Variants in SYT1 observed in about 807,000 individuals in gnomAD.
The protein encoded by SYT1 is synaptotagmin-1.
A neutral mutation model predicts 44.8 loss-of-function variants in SYT1; 8 were observed. The ratio of observed to expected loss-of-function variants is 0.18; its 90% CI spans 0.10 to 0.32. The LOEUF (loss-of-function observed/expected upper bound fraction) is 0.32. SYT1 is among the 10% of genes least tolerant of loss of function. The pLI, the probability that SYT1 is intolerant of heterozygous loss-of-function variation, is 1.00. For synonymous variants in SYT1, 154 were observed against 188.8 expected (o/e 0.82, Z 1.51); for missense variants, 286 against 509.3 (o/e 0.56, Z 4.22).
intron 2 of SYT1, among the ~76,000 whole-genome samples, chr12:79,012,979 C>T (rs1394779264): frequency 6.6e-6 from 1 of 152,046 alleles, no homozygotes; most frequent in Non-Finnish European, 1.5e-5. Flanking sequence ...GCCCCTCCTC[C>T]CATGCAGTCC....
chr12:79,075,661 G>T (rs1276062821), intron 3 of SYT1, among the ~76,000 whole-genome samples: 1 of 152,034 alleles, frequency 6.6e-6, no homozygotes, highest in Non-Finnish European at 1.5e-5. Context: ...TGATCTTGAA[G>T]GTCACCTACA....
intron 3 of SYT1, among the ~76,000 whole-genome samples, chr12:79,143,398 A>G (rs1869685246): frequency 6.6e-6 from 1 of 152,178 alleles, no homozygotes; most frequent in Admixed American, 6.5e-5. Flanking sequence ...ATCCTCAACC[A>G]TTTTGTTACA....
At chr12:79,064,926 G>GAGAGAGAA (rs1555194727) in intron 3 of SYT1, among the ~76,000 whole-genome samples, 58 of 111,526 alleles carry the variant, frequency 5.2e-4, no homozygotes, top group African/African-American at 1.9e-3. Context: ...AAAAAATAGA[G>GAGAGAGAA]AGAAAGAAAG....
Position 79,167,422 on chromosome 12 carries a change from G to C in SYT1, c.-17-50081G>C, listed in dbSNP as rs373463454. ...TTTCTGGGAGAATGTGTGTGTTTGT[G>C]TGTGCTTGTGTGTAGTGGAAATGGA... On this transcript the variant is annotated intron_variant, in intron 3 of 10. Coordinates refer to ENST00000261205, the MANE Select transcript of SYT1 (RefSeq NM_005639.3). Among the ~76,000 whole-genome samples, 9 of 152,120 alleles carry C rather than the reference G, an allele frequency of 5.9e-5. 1 individual carries two copies. Among genetic ancestry groups the C allele is most frequent in the East Asian group, 3.9e-4 (2 of 5,140 alleles).
chr12:79,254,304 A>G (rs1250205880), intron 4 of SYT1, among the ~76,000 whole-genome samples: 1 of 152,180 alleles, frequency 6.6e-6, no homozygotes, highest in Non-Finnish European at 1.5e-5. Flanking sequence ...TACTCTTCCT[A>G]TGTTCTATAA....
intron 8 of SYT1, among the ~76,000 whole-genome samples, chr12:79,303,289 A>G (rs920259153): frequency 2.0e-5 from 3 of 151,968 alleles, no homozygotes; most frequent in Non-Finnish European, 4.4e-5. Context: ...AACTCTTTTT[A>G]TTTTAACATT....
intron 7 of SYT1, among the ~76,000 whole-genome samples, chr12:79,298,078 T>C (rs1382691184): frequency 6.6e-6 from 1 of 152,146 alleles, no homozygotes; most frequent in Non-Finnish European, 1.5e-5. Context: ...GGCCCTTTAG[T>C]TGGAAAGTCC....
rs150336725 is a variant in SYT1, at chr12:78,992,553, A to G, written c.-84+14622A>G. Among the ~76,000 whole-genome samples the G allele has an allele frequency of 3.9e-5, 6 of 152,354 alleles. No homozygotes were observed. The East Asian group carries it at 1.2e-3, about 29-fold the overall frequency. Reference sequence around the variant, plus strand: ...AACTTTGTATATTTGTACTGTGTATATGAAATTGTGCTGTAAAATGTATTT... The same window carrying G: ...AACTTTGTATATTTGTACTGTGTATGTGAAATTGTGCTGTAAAATGTATTT... On this transcript the variant is annotated intron_variant, in intron 2 of 10. Transcript: ENST00000261205.
At chr12:79,182,094 C>T (rs1489247220) in intron 3 of SYT1, among the ~76,000 whole-genome samples, 1 of 152,040 alleles carries the variant, frequency 6.6e-6, no homozygotes, top group Non-Finnish European at 1.5e-5. Flanking sequence ...TGTCTTTGTC[C>T]TTTCAACTGC....
intron 8 of SYT1, 39 bp from the exon 9 acceptor site, chr12:79,353,462 AT>A: frequency 1.4e-6 from 2 of 1,395,924 alleles, no homozygotes; most frequent in Non-Finnish European, 2.0e-6. Flanking sequence ...ATTTACTTGT[AT>A]TTGAAAAATT....
At chr12:79,395,745 T>C (rs778249159) in intron 9 of SYT1, among the ~76,000 whole-genome samples, 2 of 151,296 alleles carry the variant, frequency 1.3e-5, no homozygotes, top group Non-Finnish European at 2.9e-5. Context: ...TCCTAGTCTA[T>C]GTGTAGTAAG....
At chr12:78,965,225 A>G (rs543636331) in intron 1 of SYT1, among the ~76,000 whole-genome samples, 1 of 152,294 alleles carries the variant, frequency 6.6e-6, no homozygotes, top group East Asian at 1.9e-4. Flanking sequence ...CTTAAATAAT[A>G]CGAATTAAAT....
In SYT1 at chr12:78,947,132, T is replaced by G. The variant is rs369617427; in HGVS notation, c.-216-30667T>G. Among the ~76,000 whole-genome samples, 16 of 152,330 alleles carry G rather than the reference T, an allele frequency of 1.1e-4. 1 individual carries two copies. The highest frequency in any genetic ancestry group is 5.8e-4 in the East Asian group (3 of 5,180). ...AGGTTGTTTGGATTTTTAAAAGCTA[T>G]TCCCAAAAGATTTGCAACTACTTTC... On this transcript the variant is annotated intron_variant, in intron 1 of 10. Coordinates refer to ENST00000261205, the MANE Select transcript of SYT1 (RefSeq NM_005639.3).
At chr12:78,882,831 T>A (rs1592521855) in intron 1 of SYT1, among the ~76,000 whole-genome samples, 2 of 151,752 alleles carry the variant, frequency 1.3e-5, no homozygotes, top group East Asian at 3.9e-4. Flanking sequence ...TTTTATCCAA[T>A]TGTTTTGATA....
At chr12:79,086,648 G>A (rs1877402244) in intron 3 of SYT1, among the ~76,000 whole-genome samples, 1 of 152,168 alleles carries the variant, frequency 6.6e-6, no homozygotes. Flanking sequence ...TGAACTATTT[G>A]TGTGTTGGCT....
intron 1 of SYT1, among the ~76,000 whole-genome samples, chr12:78,966,665 C>A (rs1420768201): frequency 6.6e-6 from 1 of 152,114 alleles, no homozygotes; most frequent in African/African-American, 2.4e-5. Flanking sequence ...GTGCCTCAGC[C>A]TGAACCCAGG....
rs867820329 is a variant in SYT1, at chr12:79,026,699, A to C, written c.-83-20598A>C. On this transcript the variant is annotated intron_variant, in intron 2 of 10. Transcript: ENST00000261205. ...TATATATATATATATATATATATAT[A>C]TATCACACTTTCATTGTCCATTCAC... is the stretch of plus-strand genomic sequence containing the variant. Among the ~76,000 whole-genome samples, 195 of 130,636 alleles carry C rather than the reference A, an allele frequency of 1.5e-3. 2 individuals carry two copies. The highest frequency in any genetic ancestry group is 5.1e-3 in the African/African-American group (180 of 35,280). 85.7% of individuals were successfully genotyped at this position (130,636 alleles called of 152,430 possible).
At chr12:79,283,344 G>C (rs924614737) in intron 4 of SYT1, among the ~76,000 whole-genome samples, 9 of 152,094 alleles carry the variant, frequency 5.9e-5, no homozygotes, top group African/African-American at 2.2e-4. Flanking sequence ...TTTTTCAGTG[G>C]TTATAAATTA....
At chr12:79,101,181 A>G (rs1365598777) in intron 3 of SYT1, among the ~76,000 whole-genome samples, 11 of 152,238 alleles carry the variant, frequency 7.2e-5, no homozygotes, top group Admixed American at 7.2e-4. Flanking sequence ...ACTATTCACA[A>G]GCATCATTCA....
Sources: gnomAD v4.1 joint callset for allele counts (sites outside exome capture counted in the v4.1 genomes callset) on GRCh38, gnomAD v4.1.1 for gene constraint, MANE v1.5 for transcripts, NCBI Gene and HGNC (gene_info 2026-07-23, HGNC 2026-07-21) for gene names.